The following ST18 variants were observed in gnomAD, a reference collection of about 807,000 sequenced individuals.
ST18 encodes the protein ST18 C2H2C-type zinc finger transcription factor.
In ST18, 50 loss-of-function variants were observed where a neutral mutation model predicts 110.0. The observed-to-expected ratio is 0.45, with a 90% CI of 0.36 to 0.58. The LOEUF (loss-of-function observed/expected upper bound fraction) is 0.58, where lower values mean the gene tolerates loss of function less well. Among genes scored for constraint, ST18 ranks in the 20% least tolerant of loss-of-function variants. ST18 has a pLI of 0.00. For missense variants in ST18, 1,306 were observed against 1,280.1 expected, an observed-to-expected ratio of 1.02 and a Z score of -0.31; for synonymous variants, 461 against 452.4, an observed-to-expected ratio of 1.02 and a Z score of -0.24.
At chr8:52,171,634 G>T in intron 10 of ST18, 158 bp downstream of exon 10, 1 of 821,962 alleles carries the variant, frequency 1.2e-6, no homozygotes, top group Non-Finnish European at 2.0e-6. Flanking sequence ...CTAGAGAGTG[G>T]GGGAAAAGAA....
chr8:52,313,977 C>G (rs570431580), intron 2 of ST18, among the ~76,000 whole-genome samples: 14 of 152,168 alleles, frequency 9.2e-5, no homozygotes, highest in Non-Finnish European at 1.3e-4. Context: ...CACGGGAGTG[C>G]GGTCAGCTGA....
chr8:52,271,065 A>T (rs1225846881), intron 2 of ST18, among the ~76,000 whole-genome samples: 1 of 151,868 alleles, frequency 6.6e-6, no homozygotes, highest in African/African-American at 2.4e-5. Flanking sequence ...CGCCCAGCTA[A>T]TTTTTTGTAT....
At chr8:52,307,131 C>A (rs1170844174) in intron 2 of ST18, among the ~76,000 whole-genome samples, 1 of 151,666 alleles carries the variant, frequency 6.6e-6, no homozygotes, top group Non-Finnish European at 1.5e-5. Context: ...CCAACCTGGG[C>A]GGCATAGTGG....
chr8:52,281,024 CAA>C (rs2095366536), intron 2 of ST18, among the ~76,000 whole-genome samples: 1 of 151,884 alleles, frequency 6.6e-6, no homozygotes, highest in Non-Finnish European at 1.5e-5. Flanking sequence ...AAATCAATAA[CAA>C]AGAGTAAGTT....
chr8:52,127,239 G>A (rs1172375997), intron 22 of ST18, among the ~76,000 whole-genome samples: 3 of 151,972 alleles, frequency 2.0e-5, no homozygotes, highest in Admixed American at 2.0e-4. Flanking sequence ...ATGAAATATA[G>A]AAAATAATAG....
At chr8:52,308,743 A>T (rs1027577817) in intron 2 of ST18, among the ~76,000 whole-genome samples, 1 of 152,214 alleles carries the variant, frequency 6.6e-6, no homozygotes, top group Non-Finnish European at 1.5e-5. Flanking sequence ...ACCAATGGGC[A>T]ACCCCCCATC....
chr8:52,230,105 A>G, intron 2 of ST18, 28 bp from the exon 3 acceptor site: 1 of 152,552 alleles, frequency 6.6e-6, no homozygotes, highest in East Asian at 1.9e-4. Context: ...AGGAGGAAAA[A>G]TGGAAAGAAA....
intron 2 of ST18, among the ~76,000 whole-genome samples, chr8:52,258,146 T>A (rs2094580543): frequency 6.6e-6 from 1 of 152,214 alleles, no homozygotes; most frequent in Admixed American, 6.6e-5. Context: ...ATATTTATCT[T>A]TATGCCAGTA....
chr8:52,308,984 G>T (rs891483679), intron 2 of ST18, among the ~76,000 whole-genome samples: 4 of 152,238 alleles, frequency 2.6e-5, no homozygotes, highest in Non-Finnish European at 5.9e-5. Context: ...TAGCTAAGTG[G>T]CTACTGTGTA....
At chr8:52,313,445 T>C (rs995219045) in intron 2 of ST18, 3 of 160,982 alleles carry the variant, frequency 1.9e-5, no homozygotes, top group Admixed American at 1.2e-4. Context: ...CAGCCTAGTT[T>C]TGTTAGAGGC....
At chr8:52,391,618 C>G (rs1839344086) in intron 2 of ST18, among the ~76,000 whole-genome samples, 1 of 152,186 alleles carries the variant, frequency 6.6e-6, no homozygotes, top group Non-Finnish European at 1.5e-5. Context: ...GTACTCAGGA[C>G]AGTCACATAC....
chr8:52,305,343 C>T (rs2095796283), intron 2 of ST18, among the ~76,000 whole-genome samples: 1 of 152,194 alleles, frequency 6.6e-6, no homozygotes, highest in Non-Finnish European at 1.5e-5. Context: ...CTTGGTCTCA[C>T]TTGTGTCTGT....
chr8:52,333,975 G>C (rs1005276636), intron 2 of ST18, among the ~76,000 whole-genome samples: 4 of 152,238 alleles, frequency 2.6e-5, no homozygotes, highest in Non-Finnish European at 4.4e-5. Flanking sequence ...CCCTATCCCA[G>C]GAGAGACACC....
At chr8:52,214,295 G>A in intron 6 of ST18, 38 bp from the exon 7 acceptor site, 1 of 1,603,684 alleles carries the variant, frequency 6.2e-7, no homozygotes, top group South Asian at 1.1e-5. Context: ...TCATTCCTTT[G>A]ACATTGACCA....
chr8:52,230,825 C>G (rs957031720), intron 2 of ST18, among the ~76,000 whole-genome samples: 1 of 614 alleles, frequency 1.6e-3, no homozygotes, highest in Admixed American at 0.024. Context: ...CGAACTTCAC[C>G]AACTTCACCA....
rs376961359 is a variant in ST18 at position 52,336,217 on chromosome 8, C to T, written c.-465+73111G>A. Among the ~76,000 whole-genome samples, 23 of 152,198 alleles carry T rather than the reference C, an allele frequency of 1.5e-4. 2 individuals carry two copies. The East Asian group carries it at 2.9e-3, about 19-fold the overall frequency. On this transcript the variant is annotated intron_variant, in intron 2 of 25. Transcript: ENST00000689386. Reference sequence around the variant, plus strand: ...AGGCTGGAGGGCAATGCCACAATCTCGGCTCACTGCAACCTCTGCCTTCCG... The same window carrying T: ...AGGCTGGAGGGCAATGCCACAATCTTGGCTCACTGCAACCTCTGCCTTCCG...
At chr8:52,256,910 A>G (rs1403003924) in intron 2 of ST18, among the ~76,000 whole-genome samples, 1 of 152,210 alleles carries the variant, frequency 6.6e-6, no homozygotes, top group Non-Finnish European at 1.5e-5. Context: ...ATTCAATGCC[A>G]GAAATGCCAT....
At chr8:52,348,033 G>A (rs1818512494) in intron 2 of ST18, among the ~76,000 whole-genome samples, 1 of 152,086 alleles carries the variant, frequency 6.6e-6, no homozygotes, top group African/African-American at 2.4e-5. Flanking sequence ...GCAAACTATG[G>A]TCCATGAGCC....
intron 2 of ST18, among the ~76,000 whole-genome samples, chr8:52,310,417 G>A (rs2095885430): frequency 6.6e-6 from 1 of 152,072 alleles, no homozygotes; most frequent in African/African-American, 2.4e-5. Context: ...TTAATTGAAG[G>A]TTGCTCAATA....
Sources: allele counts gnomAD v4.1 joint callset (sites outside exome capture counted in the v4.1 genomes callset), GRCh38; gene constraint gnomAD v4.1.1; transcripts MANE v1.5; gene names NCBI Gene and HGNC (gene_info 2026-07-23, HGNC 2026-07-21).